DDX31: variants seen among roughly 807,000 people sequenced by gnomAD.
The protein encoded by DDX31 is DEAD-box helicase 31, also known as ATP-dependent DNA helicase DDX31.
A neutral mutation model predicts 91.3 loss-of-function variants in DDX31; 70 were observed. The ratio of observed to expected loss-of-function variants is 0.77; its 90% CI spans 0.63 to 0.94. The LOEUF is 0.94. DDX31 is among the 40% of genes least tolerant of loss of function. The pLI is 0.00. For missense variants in DDX31, 902 were observed against 925.0 expected, an observed-to-expected ratio of 0.98 and a Z score of 0.32; for synonymous variants, 362 against 350.6, an observed-to-expected ratio of 1.03 and a Z score of -0.36.
chr9:132,627,355 C>T (rs753582138), intron 16 of DDX31, among the ~76,000 whole-genome samples: 51 of 152,214 alleles, frequency 3.4e-4, no homozygotes, highest in South Asian at 1.7e-3. Flanking sequence ...TGAGAGGGAA[C>T]GGGAGTGATT....
At chr9:132,641,535 C>T (rs1833505483) in intron 14 of DDX31, among the ~76,000 whole-genome samples, 1 of 152,210 alleles carries the variant, frequency 6.6e-6, no homozygotes, top group Admixed American at 6.5e-5. Flanking sequence ...TCCCGGACTG[C>T]AGAGCCTGAG....
intron 3 of DDX31, 118 bp downstream of exon 3, chr9:132,662,143 C>G: frequency 1.0e-6 from 1 of 999,028 alleles, no homozygotes; most frequent in Admixed American, 2.2e-5. Context: ...ATTCAGGTAA[C>G]TTAGAGCAGA....
intron 12 of DDX31, 82 bp downstream of exon 12, chr9:132,646,741 C>T: frequency 7.2e-7 from 1 of 1,392,128 alleles, no homozygotes; most frequent in Non-Finnish European, 1.0e-6. Flanking sequence ...TTTGGTGTCT[C>T]AACTCATTGC....
chr9:132,624,526 T>C (rs893637809), intron 17 of DDX31, among the ~76,000 whole-genome samples: 16 of 152,236 alleles, frequency 1.1e-4, no homozygotes, highest in Non-Finnish European at 1.5e-4. Flanking sequence ...CATATTGGTA[T>C]ACAGTTAAAT....
rs761533380 is a variant in DDX31 at position 132,661,225 on chromosome 9, T to C, written c.435A>G (p.Lys145=). The part of the protein sequence containing the change: ...HLISTINTVL[K]MSSMTSVQKQ... ...GTTCTTACCTGGTCATACTAGACAT[T>C]TTTAAGACCGTATTTATTGTGGAAA... The change falls in exon 4 of 20, where the codon AAA becomes AAG. Residue 145 remains lysine (K), a synonymous_variant. Coordinates refer to ENST00000372159, the MANE Select transcript of DDX31 (RefSeq NM_022779.9). The C allele has an allele frequency of 6.2e-7, 1 of 1,609,738 alleles. No individual in the cohort carries two copies. The highest frequency in any genetic ancestry group is 8.5e-7 in the Non-Finnish European group (1 of 1,177,372).
intron 14 of DDX31, 75 bp downstream of exon 14, chr9:132,641,929 T>A: frequency 2.7e-6 from 4 of 1,503,196 alleles, no homozygotes; most frequent in Non-Finnish European, 3.7e-6. Context: ...CAGGACAAAC[T>A]GTCAAGAGAC....
At chr9:132,625,787 C>G (rs1393678773) in intron 16 of DDX31, 42 bp from the exon 17 acceptor site, 12 of 1,511,650 alleles carry the variant, frequency 7.9e-6, no homozygotes, top group Non-Finnish European at 1.0e-5. Flanking sequence ...TTTGCTCTTT[C>G]AAAAACACCC....
chr9:132,652,592 A>T, intron 6 of DDX31, 100 bp from the exon 7 acceptor site: 1 of 1,436,654 alleles, frequency 7.0e-7, no homozygotes, highest in South Asian at 1.2e-5. Flanking sequence ...CATCAGAAGC[A>T]CTCTTAATGA....
chr9:132,625,635 C>G (rs1359254083), intron 17 of DDX31, 29 bp downstream of exon 17: 2 of 1,570,670 alleles, frequency 1.3e-6, no homozygotes, highest in Non-Finnish European at 1.8e-6. Context: ...CATCTGTTGG[C>G]AGCGAGCACA....
chr9:132,614,017 A>G (rs1046993620), intron 18 of DDX31, among the ~76,000 whole-genome samples: 3 of 152,180 alleles, frequency 2.0e-5, no homozygotes, highest in Non-Finnish European at 4.4e-5. Context: ...TGATGGAGGC[A>G]AGCACTGAAT....
At chr9:132,627,700 C>T (rs1832479433) in intron 16 of DDX31, among the ~76,000 whole-genome samples, 1 of 152,192 alleles carries the variant, frequency 6.6e-6, no homozygotes, top group South Asian at 2.1e-4. Flanking sequence ...ACAGAGGTGG[C>T]AATGGCCCAG....
intron 19 of DDX31, among the ~76,000 whole-genome samples, chr9:132,606,341 A>G (rs998459726): frequency 6.6e-6 from 1 of 152,196 alleles, no homozygotes; most frequent in African/African-American, 2.4e-5. Flanking sequence ...TGATGAGAAT[A>G]TTGCTTTACA....
intron 17 of DDX31, among the ~76,000 whole-genome samples, chr9:132,618,963 C>A (rs1247507705): frequency 6.6e-6 from 1 of 152,184 alleles, no homozygotes; most frequent in East Asian, 1.9e-4. Flanking sequence ...GCGGTTCAGA[C>A]TTCTAGTGTT....
At chr9:132,627,770 G>A (rs1312886213) in intron 16 of DDX31, among the ~76,000 whole-genome samples, 4 of 152,160 alleles carry the variant, frequency 2.6e-5, no homozygotes, top group African/African-American at 7.2e-5. Context: ...CGCAGTGCTC[G>A]ATCTAGGAAG....
chr9:132,608,142 A>G (rs1290699470), intron 19 of DDX31, among the ~76,000 whole-genome samples: 1 of 152,186 alleles, frequency 6.6e-6, no homozygotes, highest in Non-Finnish European at 1.5e-5. Context: ...GGAAGGGAAA[A>G]TGCTGTTTTC....
chr9:132,648,475 G>A lies in DDX31; in HGVS notation c.817C>T (p.His273Tyr). The A allele has an allele frequency of 6.2e-7, 1 of 1,614,096 alleles. No individual in the cohort carries two copies. Among genetic ancestry groups the A allele is most frequent in the Non-Finnish European group, 8.5e-7 (1 of 1,180,008 alleles). Reference sequence around the variant, plus strand: ...ACCAACCACCGCAGCCGACTAAAATGAATGTTCTTTGTGGATTTTATATGA... The same window carrying A: ...ACCAACCACCGCAGCCGACTAAAATAAATGTTCTTTGTGGATTTTATATGA... ...VDHIKSTKNI[H>Y]FSRLRWLVFD... The change falls in exon 10 of 20, where the codon CAT (histidine) becomes TAT (tyrosine). Residue 273 changes from histidine to tyrosine, a missense_variant. By Grantham distance (83) the His-to-Tyr change is moderately conservative (BLOSUM62 2). Transcript: ENST00000372159.
At chr9:132,649,473 AAGAC>A (rs1320299533) in intron 9 of DDX31, among the ~76,000 whole-genome samples, 1 of 152,216 alleles carries the variant, frequency 6.6e-6, no homozygotes, top group Non-Finnish European at 1.5e-5. Flanking sequence ...GTGGCACAAA[AAGAC>A]AGAAAGAGCT....
intron 18 of DDX31, among the ~76,000 whole-genome samples, chr9:132,613,228 G>C (rs1009483451): frequency 3.3e-5 from 5 of 152,048 alleles, no homozygotes; most frequent in African/African-American, 1.2e-4. Context: ...AAGTATCCAG[G>C]ATTAACCAAT....
chr9:132,669,262 C>A (rs1356758675), intron 1 of DDX31, among the ~76,000 whole-genome samples: 4 of 139,796 alleles, frequency 2.9e-5, no homozygotes, highest in Non-Finnish European at 3.1e-5. Context: ...GCCCGCCCCC[C>A]CCAAAGAACA....
Sources: allele counts gnomAD v4.1 joint callset (sites outside exome capture counted in the v4.1 genomes callset), GRCh38; gene constraint gnomAD v4.1.1; transcripts MANE v1.5; gene names NCBI Gene and HGNC (gene_info 2026-07-23, HGNC 2026-07-21).